NT5C1B: variants seen among roughly 807,000 people sequenced by gnomAD.
NT5C1B encodes the protein 5'-nucleotidase, cytosolic IB, also known as cytosolic 5'-nucleotidase 1B.
A neutral mutation model predicts 57.8 loss-of-function variants in NT5C1B; 44 were observed. That is an observed-to-expected ratio of 0.76 (90% CI 0.60 to 0.98). NT5C1B has a LOEUF of 0.98. NT5C1B is among the 50% of genes least tolerant of loss of function. The probability of loss-of-function intolerance (pLI) is 0.00; values close to 1 mark genes in which losing one functional copy is unlikely to be tolerated. For synonymous variants in NT5C1B, 284 were observed against 282.6 expected (o/e 1.00, Z -0.05); for missense variants, 742 against 719.5 (o/e 1.03, Z -0.36).
chr2:18,588,053 G>A (rs1047389496), intron 1 of NT5C1B, among the ~76,000 whole-genome samples: 25 of 152,094 alleles, frequency 1.6e-4, no homozygotes, highest in Middle Eastern at 3.4e-3. Flanking sequence ...ATATTAGTTT[G>A]ATTTCTAAAT....
intron 8 of NT5C1B, among the ~76,000 whole-genome samples, chr2:18,572,133 C>A: frequency 1.4e-5 from 2 of 142,062 alleles, no homozygotes; most frequent in South Asian, 2.3e-4. Context: ...ATAATCAAGA[C>A]AATGTAATAT....
At chr2:18,581,964 C>G (rs1427466926) in intron 6 of NT5C1B, among the ~76,000 whole-genome samples, 1 of 152,170 alleles carries the variant, frequency 6.6e-6, no homozygotes, top group East Asian at 1.9e-4. Context: ...ATGCTTCCAG[C>G]CTTGATAGGT....
chr2:18,582,731 A>G, intron 6 of NT5C1B, 137 bp downstream of exon 6: 3 of 1,341,318 alleles, frequency 2.2e-6, no homozygotes, highest in Non-Finnish European at 3.0e-6. Flanking sequence ...GACATAGGCA[A>G]ATAAACATTC....
intron 6 of NT5C1B, among the ~76,000 whole-genome samples, chr2:18,578,706 T>C (rs1272240761): frequency 6.6e-6 from 1 of 152,140 alleles, no homozygotes; most frequent in East Asian, 1.9e-4. Flanking sequence ...AACATCATAC[T>C]GAGTGGGCAA....
At chr2:18,573,512 A>G (rs1665398149) in intron 8 of NT5C1B, among the ~76,000 whole-genome samples, 1 of 152,024 alleles carries the variant, frequency 6.6e-6, no homozygotes, top group South Asian at 2.1e-4. Context: ...ATGGTGAGAC[A>G]AGAGATAGGG....
chr2:18,569,468 A>G (rs1487235002), intron 8 of NT5C1B, among the ~76,000 whole-genome samples: 1 of 152,190 alleles, frequency 6.6e-6, no homozygotes, highest in Non-Finnish European at 1.5e-5. Context: ...ATAAAATAGC[A>G]GCACCAACTG....
intron 1 of NT5C1B, 76 bp downstream of exon 1, chr2:18,589,363 G>C (rs1572396691): frequency 2.5e-6 from 4 of 1,596,164 alleles, no homozygotes; most frequent in Non-Finnish European, 3.4e-6. Context: ...CAGAGCCTTT[G>C]CAGAGGCAAA....
chr2:18,574,368 C>G (rs1278966932), intron 8 of NT5C1B, among the ~76,000 whole-genome samples: 1 of 152,102 alleles, frequency 6.6e-6, no homozygotes, highest in African/African-American at 2.4e-5. Flanking sequence ...AACCCTTATA[C>G]ACTGTGGGCA....
In NT5C1B at chr2:18,584,184, T is replaced by G; in HGVS notation, c.795A>C (p.Lys265Asn). Residue 265 changes from lysine (K) to asparagine (N), a missense_variant, in exon 5 of 9, where the codon AAA becomes AAC. Physicochemically the swap from Lys to Asn is moderately conservative, Grantham distance 94. Transcript: ENST00000304081. The surrounding 1 kb of genome is among the most constrained non-coding windows in gnomAD (Gnocchi z 5.8). ...TTTCCAGACCCTCTTGCTCGTAGAT[T>G]TTCCTGCCGTCCACCATGTTGAAGA... The G allele has an allele frequency of 1.2e-6, 2 of 1,614,160 alleles. No individual in the cohort carries two copies. Among genetic ancestry groups the G allele is most frequent in the Non-Finnish European group, 1.7e-6 (2 of 1,180,038 alleles).
chr2:18,563,982 C>CG lies in NT5C1B; in HGVS notation c.1466_1467insC (p.Lys490GlufsTer35), dbSNP rs746345419. ...CTAGACCCCAGCGTCGAAGGGTCTT[C>CG]AGCACACGGGCGCCTGAACTGGCTG... On this transcript the variant is annotated frameshift_variant, in exon 9 of 9. Transcript: ENST00000304081. LOFTEE classifies it high-confidence loss of function. The CG allele has an allele frequency of 4.3e-6, 7 of 1,614,192 alleles. No individual in the cohort carries two copies. The South Asian group carries it at 7.7e-5, about 18-fold the overall frequency.
chr2:18,573,125 G>A (rs1464219490), intron 8 of NT5C1B, among the ~76,000 whole-genome samples: 1 of 152,126 alleles, frequency 6.6e-6, no homozygotes, highest in Non-Finnish European at 1.5e-5. Flanking sequence ...ATAAAAAGGA[G>A]CCAAGTACTG....
chr2:18,580,426 C>T, intron 6 of NT5C1B, among the ~76,000 whole-genome samples: 1 of 152,140 alleles, frequency 6.6e-6, no homozygotes, highest in Middle Eastern at 3.2e-3. Context: ...CTGGCCAGAT[C>T]AACATGGAGA....
At chr2:18,587,327 G>A (rs1666811893) in intron 2 of NT5C1B, 176 bp downstream of exon 2, 1 of 985,314 alleles carries the variant, frequency 1.0e-6, no homozygotes, top group African/African-American at 1.7e-5. Context: ...TGGATGGAGG[G>A]GAAGGCAGGG....
intron 6 of NT5C1B, 114 bp downstream of exon 6, chr2:18,582,754 G>C (rs1025547543): frequency 1.8e-5 from 26 of 1,431,236 alleles, no homozygotes; most frequent in African/African-American, 1.1e-4. Context: ...GGCGCAGAAG[G>C]GGGTGTCAGT....
intron 8 of NT5C1B, among the ~76,000 whole-genome samples, chr2:18,568,254 T>G (rs1664833133): frequency 6.6e-6 from 1 of 151,924 alleles, no homozygotes; most frequent in African/African-American, 2.4e-5. Context: ...TCTATACAAA[T>G]GAGAAGACAA....
chr2:18,564,105 G>T (rs1263649542), exon 9 of NT5C1B: 34 of 1,572,732 alleles, frequency 2.2e-5, no homozygotes, highest in African/African-American at 2.7e-5. Flanking sequence ...CTTCCAGAAA[G>T]CCTTTTAGGG....
intron 8 of NT5C1B, among the ~76,000 whole-genome samples, chr2:18,568,041 G>A (rs1266897684): frequency 1.3e-5 from 2 of 149,772 alleles, no homozygotes; most frequent in African/African-American, 4.9e-5. Context: ...AAGAGAAAGA[G>A]AAAAAAAGAG....
At chr2:18,579,246 A>G (rs183665413) in intron 6 of NT5C1B, among the ~76,000 whole-genome samples, 1 of 152,238 alleles carries the variant, frequency 6.6e-6, no homozygotes, top group Non-Finnish European at 1.5e-5. Context: ...TGCTATTCCT[A>G]TCAAACTACC....
chr2:18,576,154 TA>T (rs747283325), intron 8 of NT5C1B, 29 bp downstream of exon 8: 1 of 1,553,458 alleles, frequency 6.4e-7, no homozygotes, highest in Non-Finnish European at 8.6e-7. Context: ...AATAAGTACA[TA>T]AAAATTAATT....
Sources: allele counts gnomAD v4.1 joint callset (sites outside exome capture counted in the v4.1 genomes callset), GRCh38; gene constraint gnomAD v4.1.1; non-coding constraint Gnocchi (gnomAD v3.1); transcripts MANE v1.5; gene names NCBI Gene and HGNC (gene_info 2026-07-23, HGNC 2026-07-21).